Variants in KAZN observed in about 807,000 individuals in gnomAD.
The protein encoded by KAZN is kazrin, periplakin interacting protein.
Under a neutral mutation model 87.4 loss-of-function variants are expected in KAZN, and 40 were observed. That is an observed-to-expected ratio of 0.46 (90% confidence interval 0.36 to 0.60). The LOEUF is 0.60. Ranked by LOEUF, KAZN falls within the 20% of genes least tolerant of loss-of-function variation. The pLI, the probability that KAZN is intolerant of heterozygous loss-of-function variation, is 0.00. For synonymous variants in KAZN, 466 were observed against 458.3 expected, an observed-to-expected ratio of 1.02 and a Z score of -0.22; for missense variants, 898 against 1,073.9, an observed-to-expected ratio of 0.84 and a Z score of 2.29.
At chr1:14,464,529 T>C (rs1413243538) in intron 2 of KAZN, among the ~76,000 whole-genome samples, 1 of 149,832 alleles carries the variant, frequency 6.7e-6, no homozygotes, top group Non-Finnish European at 1.5e-5. Context: ...GTCTAAATAA[T>C]TTCTTTTTTT....
chr1:14,653,803 G>A (rs978966775), intron 1 of KAZN, among the ~76,000 whole-genome samples: 1 of 152,102 alleles, frequency 6.6e-6, no homozygotes, highest in Non-Finnish European at 1.5e-5. Flanking sequence ...AGCACCTAAG[G>A]GTTCTCTAAA....
At chr1:14,122,680 A>G (rs769612051) in intron 1 of KAZN, among the ~76,000 whole-genome samples, 2 of 152,194 alleles carry the variant, frequency 1.3e-5, no homozygotes, top group Admixed American at 6.5e-5. Flanking sequence ...CTACCAGATC[A>G]TTTTCATCAT....
rs1406392155 is a variant in KAZN at position 14,728,290 on chromosome 1, A to G, written c.226+129067A>G. On this transcript the variant is annotated intron_variant, in intron 1 of 14. Coordinates refer to ENST00000376030, the MANE Select transcript of KAZN (RefSeq NM_201628.3). Reference sequence around the variant, plus strand: ...AGCAAGAGTGAAACACCGTATATATAAAAAAAAAAAAAAAAAAAAAAAAAG... The same window carrying G: ...AGCAAGAGTGAAACACCGTATATATGAAAAAAAAAAAAAAAAAAAAAAAAG... Among the ~76,000 whole-genome samples the G allele has an allele frequency of 8.3e-5, 3 of 36,132 alleles. No homozygotes were observed. The East Asian group carries it at 2.6e-3, about 31-fold the overall frequency. The allele number at this position is 36,132 out of a possible 152,430, so 23.7% of individuals were successfully genotyped here. A position where few individuals can be genotyped will look rare whatever the true frequency, so the allele number is the denominator to read the frequency against.
rs573787260 is a variant in KAZN at position 14,935,756 on chromosome 1, A to G, written c.227-24928A>G. ...CTGCCAAGGGCTGGTTGGCCCTTCT[A>G]TGCCTAGGGGCTACTGGATGTGTCA... On this transcript the variant is annotated intron_variant, in intron 1 of 14. Coordinates refer to ENST00000376030, the MANE Select transcript of KAZN (RefSeq NM_201628.3). Among the ~76,000 whole-genome samples, 4 of 151,860 alleles carry G rather than the reference A, an allele frequency of 2.6e-5. No individual in the cohort carries two copies. The South Asian group carries it at 8.3e-4, about 32-fold the overall frequency.
intron 1 of KAZN, among the ~76,000 whole-genome samples, chr1:14,837,261 C>T (rs546636082): frequency 5.9e-5 from 9 of 152,122 alleles, no homozygotes; most frequent in Non-Finnish European, 8.8e-5. Context: ...TGCAATAGTG[C>T]GGTCTTGGCT....
chr1:14,367,342 C>T (rs113066009), intron 2 of KAZN, among the ~76,000 whole-genome samples: 1 of 152,154 alleles, frequency 6.6e-6, no homozygotes, highest in African/African-American at 2.4e-5. Context: ...TCTGAGGTCG[C>T]ACTGTCAAGC....
intron 2 of KAZN, among the ~76,000 whole-genome samples, chr1:14,265,790 G>C (rs1479839270): frequency 2.0e-5 from 3 of 152,240 alleles, no homozygotes; most frequent in Admixed American, 6.5e-5. Context: ...CCTATTTGCA[G>C]ATAGTGGAGG....
At chr1:14,558,930 T>A (rs1032821470) in intron 2 of KAZN, among the ~76,000 whole-genome samples, 2 of 152,210 alleles carry the variant, frequency 1.3e-5, no homozygotes, top group African/African-American at 4.8e-5. Context: ...CTCTTCTTTC[T>A]TCATTTCACC....
intron 8 of KAZN, chr1:15,065,972 CCT>C: frequency 1.5e-6 from 2 of 1,367,768 alleles, no homozygotes; most frequent in East Asian, 2.9e-5. Flanking sequence ...CGAGTGTGAA[CCT>C]CTCTCCCCTG....
At chr1:14,244,731 A>G (rs150153619) in intron 2 of KAZN, among the ~76,000 whole-genome samples, 1,641 of 152,174 alleles carry the variant, frequency 0.011, 34 homozygotes, top group African/African-American at 0.038. Context: ...AGGCAGGGGC[A>G]TGTGGGGTGA....
At chr1:14,942,476 A>G (rs903253129) in intron 1 of KAZN, among the ~76,000 whole-genome samples, 2 of 152,230 alleles carry the variant, frequency 1.3e-5, no homozygotes, top group Non-Finnish European at 2.9e-5. Flanking sequence ...GTTAACACGC[A>G]GTGTTTCTGC....
intron 1 of KAZN, among the ~76,000 whole-genome samples, chr1:14,131,817 A>G (rs1271200936): frequency 6.6e-6 from 1 of 151,990 alleles, no homozygotes; most frequent in East Asian, 1.9e-4. Context: ...GTTTCCTTCT[A>G]CTTGGCTTTG....
chr1:15,071,767 G>A (rs1222297335), intron 8 of KAZN, among the ~76,000 whole-genome samples: 2 of 152,154 alleles, frequency 1.3e-5, no homozygotes, highest in East Asian at 1.9e-4. Flanking sequence ...GACCTAGCAC[G>A]TGCCTTGCAA....
At chr1:14,256,655 G>A (rs1650538888) in intron 2 of KAZN, among the ~76,000 whole-genome samples, 1 of 152,146 alleles carries the variant, frequency 6.6e-6, no homozygotes, top group Non-Finnish European at 1.5e-5. Context: ...TTGGCTGTGT[G>A]ATTGTGGCAA....
chr1:14,231,871 A>G (rs1435258493), intron 2 of KAZN, among the ~76,000 whole-genome samples: 1 of 152,162 alleles, frequency 6.6e-6, no homozygotes, highest in East Asian at 1.9e-4. Context: ...ACTTTCCTCC[A>G]TGCAGTGACT....
At chr1:14,418,214 T>A (rs1664992607) in intron 2 of KAZN, among the ~76,000 whole-genome samples, 1 of 151,880 alleles carries the variant, frequency 6.6e-6, no homozygotes, top group Non-Finnish European at 1.5e-5. Context: ...TATTAGGAGC[T>A]CAAATTCAGG....
chr1:14,943,425 C>A (rs75810208), intron 1 of KAZN, among the ~76,000 whole-genome samples: 14,168 of 152,212 alleles, frequency 0.093, 825 homozygotes, highest in South Asian at 0.24. Flanking sequence ...TGAGGATTTA[C>A]ATCAGAGATT....
chr1:13,993,374 G>A (rs1639372498), intron 1 of KAZN, among the ~76,000 whole-genome samples: 1 of 151,978 alleles, frequency 6.6e-6, no homozygotes, highest in African/African-American at 2.4e-5. Context: ...AGAATGGAAG[G>A]GAAAGAGCAT....
At chr1:13,979,704 G>A (rs1335612435) in intron 1 of KAZN, among the ~76,000 whole-genome samples, 3 of 152,036 alleles carry the variant, frequency 2.0e-5, no homozygotes, top group Non-Finnish European at 4.4e-5. Flanking sequence ...CGAGGCGGGC[G>A]GATCACAAGG....
Sources: allele counts gnomAD v4.1 joint callset (sites outside exome capture counted in the v4.1 genomes callset), GRCh38; gene constraint gnomAD v4.1.1; transcripts MANE v1.5; gene names NCBI Gene and HGNC (gene_info 2026-07-23, HGNC 2026-07-21).